Variants in WARS1 observed in about 807,000 individuals in gnomAD.
The protein encoded by WARS1 is tryptophan--tRNA ligase, cytoplasmic.
A neutral mutation model predicts 47.8 loss-of-function variants in WARS1; 17 were observed. The ratio of observed to expected loss-of-function variants is 0.36; its 90% CI spans 0.24 to 0.53. WARS1 has a LOEUF of 0.53. WARS1 is among the 20% of genes least tolerant of loss of function. The pLI is 0.91. For missense variants in WARS1, 434 were observed against 608.0 expected, an observed-to-expected ratio of 0.71 and a Z score of 3.01; for synonymous variants, 208 against 228.1, an observed-to-expected ratio of 0.91 and a Z score of 0.79.
At chr14:100,347,163 A>C (rs1894676572) in intron 6 of WARS1, among the ~76,000 whole-genome samples, 1 of 152,258 alleles carries the variant, frequency 6.6e-6, no homozygotes, top group African/African-American at 2.4e-5. Context: ...AGCATGAAAA[A>C]TTTAAATTCT....
At position 100,337,133 on chromosome 14, in the gene WARS1, C is replaced by T; in HGVS notation, c.1183G>A (p.Asp395Asn). ...AGGTACATGAAAGACACGTCCACAT[C>T]ACAGTTGCCCCCAAACTGCCTGTGC... Reference protein sequence around the residue: ...EEHRQFGGNCDVDVSFMYLTF... With the variant: ...EEHRQFGGNCNVDVSFMYLTF... Residue 395 changes from aspartate to asparagine, a missense_variant, in exon 10 of 11, where the codon GAT (aspartate) becomes AAT (asparagine). Coordinates refer to ENST00000392882, the MANE Select transcript of WARS1 (RefSeq NM_004184.4). The T allele has an allele frequency of 1.2e-6, 2 of 1,614,256 alleles. No individual in the cohort carries two copies. The highest frequency in any genetic ancestry group is 1.7e-6 in the Non-Finnish European group (2 of 1,180,042).
intron 6 of WARS1, among the ~76,000 whole-genome samples, chr14:100,351,219 A>G (rs1168598434): frequency 1.3e-5 from 2 of 152,190 alleles, no homozygotes; most frequent in African/African-American, 4.8e-5. Flanking sequence ...GGAAGAGGAT[A>G]GCAGCTACTG....
At chr14:100,361,188 T>C (rs778499126) in intron 3 of WARS1, among the ~76,000 whole-genome samples, 2 of 152,250 alleles carry the variant, frequency 1.3e-5, no homozygotes, top group Non-Finnish European at 2.9e-5. Context: ...GTTTCTTCTC[T>C]GATAATTAGC....
At chr14:100,367,180 A>G (rs1161685942) in intron 2 of WARS1, among the ~76,000 whole-genome samples, 1 of 152,054 alleles carries the variant, frequency 6.6e-6, no homozygotes, top group Admixed American at 6.6e-5. Flanking sequence ...AAACAATAGG[A>G]GGGTTAGAAA....
At chr14:100,368,866 C>T (rs1344797178) in intron 2 of WARS1, among the ~76,000 whole-genome samples, 1 of 152,156 alleles carries the variant, frequency 6.6e-6, no homozygotes, top group Non-Finnish European at 1.5e-5. Context: ...GAGGCTGAGG[C>T]AGGAGAGTCA....
At chr14:100,336,158 C>A (rs988964699) in intron 10 of WARS1, among the ~76,000 whole-genome samples, 10 of 151,424 alleles carry the variant, frequency 6.6e-5, no homozygotes, top group Non-Finnish European at 1.5e-4. Flanking sequence ...TGCCTGTAGT[C>A]CCAGCTACTC....
chr14:100,376,320 G>T, upstream of WARS1: 1 of 1,173,602 alleles, frequency 8.5e-7, no homozygotes, highest in Non-Finnish European at 1.1e-6. Flanking sequence ...CTGGGCGTCC[G>T]TGGAAACGCC....
chr14:100,366,929 T>C (rs1442624597), intron 2 of WARS1: 1 of 1,597,650 alleles, frequency 6.3e-7, no homozygotes, highest in African/African-American at 1.3e-5. Flanking sequence ...CTGAAGATAA[T>C]ACCTGGAAGT....
chr14:100,368,144 A>C (rs1896122702), intron 2 of WARS1, among the ~76,000 whole-genome samples: 1 of 152,214 alleles, frequency 6.6e-6, no homozygotes, highest in Non-Finnish European at 1.5e-5. Flanking sequence ...TTGATAGACT[A>C]GTTGATGTGT....
At chr14:100,353,640 C>T (rs775643528) in intron 6 of WARS1, 47 bp downstream of exon 6, 1 of 1,590,244 alleles carries the variant, frequency 6.3e-7, no homozygotes, top group South Asian at 1.1e-5. Flanking sequence ...GACAACTTGA[C>T]ATCCTCCTCT....
At chr14:100,365,678 G>A (rs1391189879) in intron 2 of WARS1, 6 of 182,468 alleles carry the variant, frequency 3.3e-5, no homozygotes, top group African/African-American at 4.8e-5. Flanking sequence ...TTAAAGATGC[G>A]TATTGATGAT....
chr14:100,344,183 C>A (rs1894370881), intron 7 of WARS1, among the ~76,000 whole-genome samples: 1 of 151,918 alleles, frequency 6.6e-6, no homozygotes, highest in Non-Finnish European at 1.5e-5. Flanking sequence ...AACCTCCCTG[C>A]CTCATTCTCC....
chr14:100,356,394 T>TGGGG (rs1442957929), intron 4 of WARS1, among the ~76,000 whole-genome samples: 1 of 68,822 alleles, frequency 1.5e-5, no homozygotes, highest in Non-Finnish European at 4.1e-5. Flanking sequence ...TGTGTGTGTG[T>TGGGG]GTGTGGGGGG....
At chr14:100,338,017 A>G (rs182184724) in intron 9 of WARS1, among the ~76,000 whole-genome samples, 189 of 152,330 alleles carry the variant, frequency 1.2e-3, no homozygotes, top group African/African-American at 4.4e-3. Context: ...CACAGAAAGC[A>G]TAACAAGAAG....
intron 2 of WARS1, among the ~76,000 whole-genome samples, chr14:100,367,233 GA>G (rs1347047343): frequency 5.9e-5 from 9 of 152,010 alleles, no homozygotes; most frequent in African/African-American, 2.2e-4. Flanking sequence ...AGTCTGTGAA[GA>G]GAGAAAACAG....
At chr14:100,364,083 G>A (rs146740822) in intron 2 of WARS1, among the ~76,000 whole-genome samples, 1 of 152,126 alleles carries the variant, frequency 6.6e-6, no homozygotes, top group Non-Finnish European at 1.5e-5. Context: ...TTTGGGTGCT[G>A]GTTACACAGG....
At chr14:100,342,689 C>A in intron 8 of WARS1, 118 bp from the exon 9 acceptor site, 2 of 902,380 alleles carry the variant, frequency 2.2e-6, no homozygotes, top group Non-Finnish European at 3.3e-6. Context: ...CAAAGAAATT[C>A]ACTCCCTCCT....
intron 3 of WARS1, 97 bp downstream of exon 3, chr14:100,361,611 A>G: frequency 7.7e-7 from 1 of 1,302,142 alleles, no homozygotes; most frequent in South Asian, 1.4e-5. Context: ...CACTGAATTT[A>G]TGATTAATTC....
At position 100,353,876 on chromosome 14, in the gene WARS1, A is replaced by C. The variant is rs1448869924; in HGVS notation, c.543-7T>G. The C allele has an allele frequency of 1.2e-6, 2 of 1,612,168 alleles. No homozygotes were observed. Among genetic ancestry groups the C allele is most frequent in the Admixed American group, 3.3e-5 (2 of 59,910 alleles). On this transcript the variant is annotated splice_region_variant and splice_polypyrimidine_tract_variant and intron_variant, in intron 5 of 10. Coordinates refer to ENST00000392882, the MANE Select transcript of WARS1 (RefSeq NM_004184.4). ...AAATACATCCTGGAGCCACCTAAAG[A>C]AACACAGGGGGAGAAAGCTGACGTC...
Sources: allele counts gnomAD v4.1 joint callset (sites outside exome capture counted in the v4.1 genomes callset), GRCh38; gene constraint gnomAD v4.1.1; transcripts MANE v1.5; gene names NCBI Gene and HGNC (gene_info 2026-07-23, HGNC 2026-07-21).